Variants in RPH3A observed in about 807,000 individuals in gnomAD.
RPH3A encodes the protein rabphilin 3A.
RPH3A carries 48 observed loss-of-function variants against 102.2 expected under a neutral mutation model. The observed-to-expected ratio is 0.47, with a 90% CI of 0.37 to 0.60. RPH3A has a LOEUF of 0.60. Among genes scored for constraint, RPH3A ranks in the 20% least tolerant of loss-of-function variants. The pLI, the probability that RPH3A is intolerant of heterozygous loss-of-function variation, is 0.00. For synonymous variants in RPH3A, 310 were observed against 324.3 expected, an observed-to-expected ratio of 0.96 and a Z score of 0.47; for missense variants, 781 against 910.1, an observed-to-expected ratio of 0.86 and a Z score of 1.83.
chr12:112,850,105 C>T (rs924270363), intron 5 of RPH3A, among the ~76,000 whole-genome samples: 3 of 152,132 alleles, frequency 2.0e-5, no homozygotes, highest in Non-Finnish European at 2.9e-5. Flanking sequence ...GTTGCACAGT[C>T]AGGGAGATCT....
chr12:112,757,175 T>C (rs542232465), intron 1 of RPH3A, among the ~76,000 whole-genome samples: 2 of 152,240 alleles, frequency 1.3e-5, no homozygotes, highest in Non-Finnish European at 2.9e-5. Context: ...AATACTATGG[T>C]TCAACGTCCC....
intron 5 of RPH3A, among the ~76,000 whole-genome samples, chr12:112,864,070 G>A (rs541040539): frequency 6.6e-6 from 1 of 152,306 alleles, no homozygotes; most frequent in South Asian, 2.1e-4. Flanking sequence ...TAATTCCAAA[G>A]GTGCTATGAG....
intron 1 of RPH3A, among the ~76,000 whole-genome samples, chr12:112,692,983 T>A (rs2040318514): frequency 6.6e-6 from 1 of 152,182 alleles, no homozygotes; most frequent in Non-Finnish European, 1.5e-5. Context: ...CACAAATGAA[T>A]ACAAAGAGTT....
chr12:112,667,718 G>A (rs1012378355), intron 1 of RPH3A, among the ~76,000 whole-genome samples: 5 of 117,792 alleles, frequency 4.2e-5, no homozygotes, highest in Non-Finnish European at 8.6e-5. Context: ...GAGAGAGAGA[G>A]AGAAATTACT....
At chr12:112,692,373 G>T (rs529200628) in intron 1 of RPH3A, among the ~76,000 whole-genome samples, 1 of 152,240 alleles carries the variant, frequency 6.6e-6, no homozygotes, top group South Asian at 2.1e-4. Flanking sequence ...ATATGCTAAT[G>T]ACTTTGAGCT....
chr12:112,768,070 A>G (rs1565874686), intron 1 of RPH3A, among the ~76,000 whole-genome samples: 1 of 152,166 alleles, frequency 6.6e-6, no homozygotes, highest in East Asian at 1.9e-4. Flanking sequence ...TATACTGAAA[A>G]CAATTGAATT....
intron 1 of RPH3A, among the ~76,000 whole-genome samples, chr12:112,650,558 T>G (rs2039966357): frequency 6.6e-6 from 1 of 152,152 alleles, no homozygotes; most frequent in African/African-American, 2.4e-5. Flanking sequence ...CCCTTTTATA[T>G]ATCCTTTTTT....
chr12:112,605,195 T>C (rs960981216), intron 1 of RPH3A, among the ~76,000 whole-genome samples: 8 of 152,104 alleles, frequency 5.3e-5, no homozygotes, highest in African/African-American at 1.7e-4. Context: ...GCCAATATGA[T>C]GAAACCCCAT....
intron 19 of RPH3A, among the ~76,000 whole-genome samples, chr12:112,891,609 C>A (rs2043095829): frequency 1.3e-5 from 2 of 152,174 alleles, no homozygotes; most frequent in Admixed American, 1.3e-4. Flanking sequence ...CAATGCAAGT[C>A]TGACCTGAGT....
At chr12:112,576,035 C>G (rs903086273) in intron 1 of RPH3A, among the ~76,000 whole-genome samples, 1 of 152,222 alleles carries the variant, frequency 6.6e-6, no homozygotes, top group Admixed American at 6.5e-5. Flanking sequence ...GTTTCAACTA[C>G]GCACCAGGCG....
rs1372107619 is a variant in RPH3A, at chr12:112,791,902, G to GAGAGAGAGAGAGAGAGAGAC, written c.-247_-246insGAGAGAGAGAGAGAGACAGA. 5 of 150,994 alleles carry GAGAGAGAGAGAGAGAGAGAC rather than the reference G, an allele frequency of 3.3e-5. No individual in the cohort carries two copies. Among genetic ancestry groups the GAGAGAGAGAGAGAGAGAGAC allele is most frequent in the African/African-American group, 1.2e-4 (5 of 40,688 alleles). The allele number at this position is 150,994 out of a possible 1,614,324, so 9.4% of individuals were successfully genotyped here. A position where few individuals can be genotyped will look rare whatever the true frequency, so the allele number is the denominator to read the frequency against. On this transcript the variant is annotated 5_prime_UTR_variant, in exon 1 of 22. Transcript: ENST00000389385. ...AGAGAGAGAGAGAGAGAGAGAGAGA[G>GAGAGAGAGAGAGAGAGAGAC]AGACTCACAGAGCTAAAACCTTCAT...
At chr12:112,608,702 A>G (rs982498679) in intron 1 of RPH3A, among the ~76,000 whole-genome samples, 5 of 152,240 alleles carry the variant, frequency 3.3e-5, no homozygotes, top group Admixed American at 6.5e-5. Context: ...TTAAATGCAC[A>G]GTAAGCTGTG....
At chr12:112,583,751 G>A (rs1306723414) in intron 1 of RPH3A, among the ~76,000 whole-genome samples, 1 of 152,172 alleles carries the variant, frequency 6.6e-6, no homozygotes, top group South Asian at 2.1e-4. Flanking sequence ...TTGGGAGGCT[G>A]AGGTGGGTGG....
chr12:112,606,282 G>A (rs943366993), intron 1 of RPH3A, among the ~76,000 whole-genome samples: 5 of 152,120 alleles, frequency 3.3e-5, no homozygotes, highest in Non-Finnish European at 7.3e-5. Context: ...CTATTTACTC[G>A]CTGTGGGTTA....
At chr12:112,655,272 A>T (rs976030533) in intron 1 of RPH3A, among the ~76,000 whole-genome samples, 4 of 152,212 alleles carry the variant, frequency 2.6e-5, no homozygotes, top group African/African-American at 9.6e-5. Flanking sequence ...CTCTACAATC[A>T]GCTTATCTAG....
At chr12:112,794,041 A>C (rs1427178902) in intron 2 of RPH3A, among the ~76,000 whole-genome samples, 2 of 152,234 alleles carry the variant, frequency 1.3e-5, no homozygotes, top group African/African-American at 4.8e-5. Context: ...CTTCCCAAAT[A>C]TCTCTCCACT....
chr12:112,890,947 C>T lies in RPH3A; in HGVS notation c.1719C>T (p.Arg573=). 6.2e-7 allele frequency: 1 copy of T among 1,614,202 alleles called. No individual in the cohort carries two copies. Among genetic ancestry groups the T allele is most frequent in the Non-Finnish European group, 8.5e-7 (1 of 1,180,040 alleles). ...QQGGLIVGII[R]CVHLAAMDAN... ...GAGGCCTCATTGTGGGCATCATACG[C>T]TGCGTGCACCTGGCTGCCATGGACG... is the stretch of plus-strand genomic sequence containing the variant. Residue 573 remains arginine, a synonymous_variant, in exon 19 of 22, where the codon CGC becomes CGT. Transcript: ENST00000389385.
rs184676966 is a variant in RPH3A at position 112,682,955 on chromosome 12, A to G, written c.-140+107636A>G. Among the ~76,000 whole-genome samples, 10 of 152,270 alleles carry G rather than the reference A, an allele frequency of 6.6e-5. No homozygotes were observed. In the East Asian group the frequency reaches 1.9e-3, roughly 29 times the overall value. ...TCTTATCTTAAAACTTATTTTTTCT[A>G]GGTAGGTTTAGACCCCATAGAAACT... is the stretch of plus-strand genomic sequence containing the variant. On this transcript the variant is annotated intron_variant, in intron 1 of 21. Coordinates refer to the RPH3A transcript ENST00000543106.
intron 1 of RPH3A, among the ~76,000 whole-genome samples, chr12:112,661,550 A>T (rs956645725): frequency 1.3e-5 from 2 of 152,202 alleles, no homozygotes; most frequent in Non-Finnish European, 2.9e-5. Flanking sequence ...TGTTTTATTT[A>T]AAAGGCAAAA....
Sources: gnomAD v4.1 joint callset for allele counts (sites outside exome capture counted in the v4.1 genomes callset) on GRCh38, gnomAD v4.1.1 for gene constraint, MANE v1.5 for transcripts, NCBI Gene and HGNC (gene_info 2026-07-23, HGNC 2026-07-21) for gene names.